Variants in KANSL1L observed in about 807,000 individuals in gnomAD.
The protein encoded by KANSL1L is KAT8 regulatory NSL complex subunit 1-like protein.
KANSL1L carries 25 observed loss-of-function variants against 108.6 expected under a neutral mutation model. The observed-to-expected ratio is 0.23, with a 90% confidence interval of 0.17 to 0.32. The LOEUF (loss-of-function observed/expected upper bound fraction) is 0.32. Ranked by LOEUF, KANSL1L falls within the 10% of genes least tolerant of loss-of-function variation. The probability of loss-of-function intolerance (pLI) is 1.00; values close to 1 mark genes in which losing one functional copy is unlikely to be tolerated. For synonymous variants in KANSL1L, 405 were observed against 395.1 expected (o/e 1.03, Z -0.30); for missense variants, 1,137 against 1,125.7 (o/e 1.01, Z -0.14).
intron 2 of KANSL1L, among the ~76,000 whole-genome samples, chr2:210,132,738 TTC>T (rs773989734): frequency 2.0e-5 from 3 of 152,228 alleles, no homozygotes; most frequent in Non-Finnish European, 4.4e-5. Flanking sequence ...TTTAGGATTT[TTC>T]TTTGCATCTA....
At chr2:210,064,842 A>T (rs1447725085) in intron 6 of KANSL1L, among the ~76,000 whole-genome samples, 1 of 149,742 alleles carries the variant, frequency 6.7e-6, no homozygotes, top group Non-Finnish European at 1.5e-5. Flanking sequence ...AAAAAAACAC[A>T]GGAAAAAAAA....
intron 1 of KANSL1L, among the ~76,000 whole-genome samples, chr2:210,168,821 A>T (rs1688149822): frequency 6.6e-6 from 1 of 152,156 alleles, no homozygotes; most frequent in Non-Finnish European, 1.5e-5. Context: ...ACAAAAAGCA[A>T]AAGACAATTT....
intron 4 of KANSL1L, 91 bp downstream of exon 4, chr2:210,104,013 G>A (rs1171035607): frequency 1.0e-6 from 1 of 987,826 alleles, no homozygotes; most frequent in African/African-American, 1.6e-5. Flanking sequence ...CATATGCCAG[G>A]AAGATACACA....
chr2:210,040,855 A>C (rs1197766470), intron 7 of KANSL1L, among the ~76,000 whole-genome samples: 1 of 152,174 alleles, frequency 6.6e-6, no homozygotes, highest in Admixed American at 6.5e-5. Context: ...AGATGAATGG[A>C]AACAAATATA....
At chr2:210,051,040 G>C (rs536367563) in intron 6 of KANSL1L, among the ~76,000 whole-genome samples, 8 of 152,222 alleles carry the variant, frequency 5.3e-5, no homozygotes, top group African/African-American at 1.7e-4. Flanking sequence ...CTCTTTTCAA[G>C]TGTGCATGGA....
intron 2 of KANSL1L, among the ~76,000 whole-genome samples, chr2:210,148,846 A>AT (rs1052219054): frequency 6.6e-6 from 1 of 152,034 alleles, no homozygotes; most frequent in Non-Finnish European, 1.5e-5. Flanking sequence ...TTCCTGATCA[A>AT]TTTTTCCTAT....
At chr2:210,081,299 T>G (rs1405275569) in intron 5 of KANSL1L, among the ~76,000 whole-genome samples, 1 of 152,070 alleles carries the variant, frequency 6.6e-6, no homozygotes, top group African/African-American at 2.4e-5. Flanking sequence ...TAATTCACAC[T>G]TCATACTGTA....
chr2:210,036,957 A>G (rs888067370), intron 8 of KANSL1L, among the ~76,000 whole-genome samples: 3 of 151,226 alleles, frequency 2.0e-5, no homozygotes, highest in Non-Finnish European at 3.0e-5. Flanking sequence ...GGGTTTCACT[A>G]TATTTCCCAG....
chr2:210,160,475 G>A (rs1418653758), intron 1 of KANSL1L, among the ~76,000 whole-genome samples: 1 of 152,066 alleles, frequency 6.6e-6, no homozygotes, highest in Non-Finnish European at 1.5e-5. Flanking sequence ...AATTTAATAA[G>A]GCAGCAAACA....
intron 5 of KANSL1L, among the ~76,000 whole-genome samples, chr2:210,087,861 T>C (rs899104569): frequency 2.0e-5 from 3 of 152,194 alleles, no homozygotes; most frequent in African/African-American, 7.2e-5. Flanking sequence ...ATTGGTCAAT[T>C]TGGGATTGAA....
chr2:210,023,326 C>A, intron 14 of KANSL1L, 147 bp from the exon 15 acceptor site: 1 of 635,008 alleles, frequency 1.6e-6, no homozygotes, highest in Non-Finnish European at 2.7e-6. Context: ...ACTTAAATAG[C>A]AACTCAAAAT....
Position 210,153,728 on chromosome 2 carries a change from A to G in KANSL1L, c.855T>C (p.Ser285=), listed in dbSNP as rs771047378. 6.2e-7 allele frequency: 1 copy of G among 1,604,514 alleles called. No homozygotes were observed. Among genetic ancestry groups the G allele is most frequent in the South Asian group, 1.1e-5 (1 of 88,932 alleles). The change falls in exon 2 of 15, where the codon AGT becomes AGC. Residue 285 remains serine, a synonymous_variant. Transcript: ENST00000281772. The part of the protein sequence containing the change: ...FHEPTTILGN[S]LPKCTEIKPE... The stretch of plus-strand genomic sequence containing the variant: ...GCTTAATTTCAGTGCATTTAGGTAA[A>G]CTATTACCCAAAATTGTGGTAGGTT...
chr2:210,120,373 C>T (rs1243848655), intron 3 of KANSL1L, among the ~76,000 whole-genome samples: 7 of 152,118 alleles, frequency 4.6e-5, no homozygotes, highest in Non-Finnish European at 5.9e-5. Flanking sequence ...GCTTGGGTGA[C>T]AGGGTGAGAC....
chr2:210,098,694 A>G (rs956004818), intron 4 of KANSL1L, among the ~76,000 whole-genome samples: 1 of 152,210 alleles, frequency 6.6e-6, no homozygotes, highest in African/African-American at 2.4e-5. Flanking sequence ...CTAGCAAAGA[A>G]AAAAAGATTA....
chr2:210,169,732 T>C (rs546606808), intron 1 of KANSL1L, among the ~76,000 whole-genome samples: 1 of 152,330 alleles, frequency 6.6e-6, no homozygotes, highest in South Asian at 2.1e-4. Flanking sequence ...CTGACACTGA[T>C]CTAAGTAGGT....
intron 3 of KANSL1L, among the ~76,000 whole-genome samples, chr2:210,112,350 AG>A (rs1164050043): frequency 2.7e-4 from 41 of 152,350 alleles, no homozygotes; most frequent in Middle Eastern, 3.4e-3. Flanking sequence ...AACATCTTAA[AG>A]GTACCAGATA....
intron 3 of KANSL1L, among the ~76,000 whole-genome samples, chr2:210,114,567 AGTATTATT>A (rs2094936870): frequency 6.6e-6 from 1 of 152,190 alleles, no homozygotes; most frequent in African/African-American, 2.4e-5. Context: ...TATAACAGCT[AGTATTATT>A]GTAACACTAG....
At chr2:210,066,561 A>T (rs560528162) in intron 6 of KANSL1L, among the ~76,000 whole-genome samples, 11 of 152,162 alleles carry the variant, frequency 7.2e-5, no homozygotes, top group African/African-American at 2.6e-4. Context: ...CCAACTCAAA[A>T]ACCTACACGG....
chr2:210,111,831 CA>C (rs1365920691), intron 3 of KANSL1L, among the ~76,000 whole-genome samples: 1 of 151,592 alleles, frequency 6.6e-6, no homozygotes, highest in Admixed American at 6.6e-5. Context: ...GTGCTGCACC[CA>C]TTAACTCATC....
Sources: allele counts gnomAD v4.1 joint callset (sites outside exome capture counted in the v4.1 genomes callset), GRCh38; gene constraint gnomAD v4.1.1; transcripts MANE v1.5; gene names NCBI Gene and HGNC (gene_info 2026-07-23, HGNC 2026-07-21).